HELLS: variants seen among roughly 807,000 people sequenced by gnomAD.
HELLS encodes lymphoid-specific helicase.
A neutral mutation model predicts 120.0 loss-of-function variants in HELLS; 32 were observed. That is an observed-to-expected ratio of 0.27 (90% CI 0.20 to 0.36). The LOEUF (loss-of-function observed/expected upper bound fraction) is 0.36. Among genes scored for constraint, HELLS ranks in the 10% least tolerant of loss-of-function variants. HELLS has a pLI of 1.00. For missense variants in HELLS, 650 were observed against 993.4 expected, an observed-to-expected ratio of 0.65 and a Z score of 4.65; for synonymous variants, 341 against 323.4, an observed-to-expected ratio of 1.05 and a Z score of -0.58.
intron 10 of HELLS, 144 bp from the exon 11 acceptor site, chr10:94,581,182 C>T (rs1844850656): frequency 1.9e-6 from 1 of 514,196 alleles, no homozygotes; most frequent in South Asian, 3.7e-5. Context: ...CAAATGAAAA[C>T]ATGATCATTT....
At chr10:94,607,112 T>G (rs984796451) in intron 8 of HELLS, among the ~76,000 whole-genome samples, 3 of 152,192 alleles carry the variant, frequency 2.0e-5, no homozygotes, top group African/African-American at 7.2e-5. Context: ...ATTCCCCTAT[T>G]CCAGACTGAT....
Position 94,560,533 on chromosome 10 carries a change from A to G in HELLS, c.334-2158A>G, listed in dbSNP as rs138768295. On this transcript the variant is annotated intron_variant, in intron 4 of 21. Coordinates refer to ENST00000348459, the MANE Select transcript of HELLS (RefSeq NM_018063.5). ...AACATGATGAGACCCTGTCTCTGCT[A>G]AAAATACAAAAAATTAGCTGGGCGT... is the stretch of plus-strand genomic sequence containing the variant. Among the ~76,000 whole-genome samples the G allele has an allele frequency of 2.0e-5, 3 of 151,940 alleles. No homozygotes were observed. In the East Asian group the frequency reaches 5.9e-4, roughly 30 times the overall value.
intron 21 of HELLS, among the ~76,000 whole-genome samples, chr10:94,597,675 G>A (rs1378572536): frequency 2.0e-5 from 3 of 152,068 alleles, no homozygotes; most frequent in African/African-American, 7.2e-5. Flanking sequence ...TAGTATTACA[G>A]TCGCCTGCCA....
At position 94,546,477 on chromosome 10, in the gene HELLS, A is replaced by T. The variant is rs1565007736; in HGVS notation, c.132A>T (p.Arg44Ser). 6.2e-7 allele frequency: 1 copy of T among 1,614,010 alleles called. No homozygotes were observed. Among genetic ancestry groups the T allele is most frequent in the African/African-American group, 1.3e-5 (1 of 74,928 alleles). ...AGCTTGAAGCTGCTGGACTAGAGAG[A>T]GAGCGGAAGATGCTGGAAAAGGTAA... ...EEQLEAAGLERERKMLEKARM... is the reference protein window; with the variant it reads ...EEQLEAAGLESERKMLEKARM... Residue 44 changes from arginine to serine, a missense_variant, in exon 2 of 22, where the codon AGA becomes AGT. Transcript: ENST00000348459.
chr10:94,558,128 T>A lies in HELLS; in HGVS notation c.277-11T>A. On this transcript the variant is annotated splice_polypyrimidine_tract_variant and intron_variant, in intron 3 of 21. Coordinates refer to ENST00000348459, the MANE Select transcript of HELLS (RefSeq NM_018063.5). ...TTTCCACTTGTGACATAAGAAAAAATTGTCTTACAGGAACAGAAGAAGAAA... is the reference window on the plus strand; with the variant it reads ...TTTCCACTTGTGACATAAGAAAAAAATGTCTTACAGGAACAGAAGAAGAAA... 6.4e-7 allele frequency: 1 copy of A among 1,557,596 alleles called. No individual in the cohort carries two copies. The highest frequency in any genetic ancestry group is 2.3e-5 in the East Asian group (1 of 42,904).
At position 94,601,669 on chromosome 10, in the gene HELLS, G is replaced by A. The variant is rs778037326; in HGVS notation, c.*47G>A. Reference sequence around the variant, plus strand: ...TTAAAAGTTCTTATTTACATCTAGTGATTTCCCTGTATTGGGTTTGAAATA... The same window carrying A: ...TTAAAAGTTCTTATTTACATCTAGTAATTTCCCTGTATTGGGTTTGAAATA... On this transcript the variant is annotated 3_prime_UTR_variant, in exon 22 of 22. Coordinates refer to ENST00000348459, the MANE Select transcript of HELLS (RefSeq NM_018063.5). 2.0e-6 allele frequency: 2 copies of A among 990,894 alleles called. No homozygotes were observed. The highest frequency in any genetic ancestry group is 3.1e-6 in the Non-Finnish European group (2 of 642,552). The allele number at this position is 990,894 out of a possible 1,614,324, so 61.4% of individuals were successfully genotyped here.
At chr10:94,548,095 T>G (rs75531463) in intron 2 of HELLS, among the ~76,000 whole-genome samples, 1 of 152,232 alleles carries the variant, frequency 6.6e-6, no homozygotes, top group Non-Finnish European at 1.5e-5. Flanking sequence ...TTCATACTAC[T>G]TTTTGATTCT....
intron 21 of HELLS, among the ~76,000 whole-genome samples, chr10:94,599,187 C>A (rs1173974257): frequency 6.6e-6 from 1 of 152,058 alleles, no homozygotes; most frequent in Non-Finnish European, 1.5e-5. Context: ...ATGAGACATA[C>A]AGCATCATGG....
At chr10:94,546,935 G>A (rs927683989) in intron 2 of HELLS, among the ~76,000 whole-genome samples, 2 of 152,224 alleles carry the variant, frequency 1.3e-5, no homozygotes, top group East Asian at 1.9e-4. Context: ...GGCTGGGCTG[G>A]AATCCAAGTC....
chr10:94,563,605 G>T (rs2134021361), intron 6 of HELLS, among the ~76,000 whole-genome samples: 1 of 152,058 alleles, frequency 6.6e-6, no homozygotes, highest in Admixed American at 6.6e-5. Flanking sequence ...TCCTACCTCA[G>T]CCCCCTGAGT....
intron 9 of HELLS, among the ~76,000 whole-genome samples, chr10:94,576,117 CT>C (rs1213296153): frequency 2.7e-5 from 4 of 150,260 alleles, no homozygotes; most frequent in Admixed American, 1.3e-4. Flanking sequence ...GTTTTTATGC[CT>C]TTTTTTTTGT....
intron 1 of HELLS, 136 bp from the exon 2 acceptor site, chr10:94,546,241 A>T (rs1842747205): frequency 2.0e-6 from 2 of 1,012,890 alleles, no homozygotes; most frequent in East Asian, 4.9e-5. Flanking sequence ...GTCTTCTGAG[A>T]GGTGATGCTG....
At chr10:94,562,371 C>A (rs1184860245) in intron 4 of HELLS, among the ~76,000 whole-genome samples, 1 of 152,042 alleles carries the variant, frequency 6.6e-6, no homozygotes, top group Non-Finnish European at 1.5e-5. Flanking sequence ...CCAGTGCACA[C>A]TATCCTGGGC....
At chr10:94,586,205 G>A (rs1174522701) in intron 12 of HELLS, among the ~76,000 whole-genome samples, 1 of 151,666 alleles carries the variant, frequency 6.6e-6, no homozygotes, top group Non-Finnish European at 1.5e-5. Context: ...ACTGCAAGCT[G>A]CACCTCCCGG....
chr10:94,546,519 G>C (rs370780296), intron 2 of HELLS, 21 bp downstream of exon 2: 16 of 1,613,452 alleles, frequency 9.9e-6, no homozygotes, highest in Non-Finnish European at 1.4e-5. Context: ...CATCAGGTTC[G>C]TCGTCGTGAA....
intron 4 of HELLS, among the ~76,000 whole-genome samples, chr10:94,558,872 AT>A (rs1843403058): frequency 6.6e-6 from 1 of 152,152 alleles, no homozygotes; most frequent in Non-Finnish European, 1.5e-5. Context: ...AAGTGCTCAG[AT>A]TACAGGCATG....
At chr10:94,603,621 C>CTGTT (rs1846090840), downstream of HELLS, among the ~76,000 whole-genome samples, 1 of 152,210 alleles carries the variant, frequency 6.6e-6, no homozygotes, top group African/African-American at 2.4e-5. Context: ...ACATATCCGA[C>CTGTT]TGTTTACTAG....
At chr10:94,557,895 G>A (rs893313121) in intron 3 of HELLS, among the ~76,000 whole-genome samples, 1 of 152,148 alleles carries the variant, frequency 6.6e-6, no homozygotes, top group African/African-American at 2.4e-5. Context: ...TTTACAGTCC[G>A]TTACTGCATG....
intron 9 of HELLS, among the ~76,000 whole-genome samples, chr10:94,609,460 T>G (rs1267404895): frequency 6.6e-6 from 1 of 152,202 alleles, no homozygotes; most frequent in Non-Finnish European, 1.5e-5. Flanking sequence ...AAAACTATGA[T>G]AGGTGTGTTA....
Sources: gnomAD v4.1 joint callset for allele counts (sites outside exome capture counted in the v4.1 genomes callset) on GRCh38, gnomAD v4.1.1 for gene constraint, MANE v1.5 for transcripts, NCBI Gene and HGNC (gene_info 2026-07-23, HGNC 2026-07-21) for gene names.